PKP4: variants seen among roughly 807,000 people sequenced by gnomAD.
The protein encoded by PKP4 is plakophilin-4.
PKP4 carries 90 observed loss-of-function variants against 145.1 expected under a neutral mutation model. That is an observed-to-expected ratio of 0.62 (90% CI 0.52 to 0.74). PKP4 has a LOEUF of 0.74. PKP4 is among the 30% of genes least tolerant of loss of function. The probability of loss-of-function intolerance (pLI) is 0.00; values close to 1 mark genes in which losing one functional copy is unlikely to be tolerated. For missense variants in PKP4, 1,340 were observed against 1,482.7 expected (o/e 0.90, Z 1.58); for synonymous variants, 563 against 577.2 (o/e 0.98, Z 0.35).
At chr2:158,512,740 G>C (rs73966681) in intron 1 of PKP4, among the ~76,000 whole-genome samples, 4,973 of 152,290 alleles carry the variant, frequency 0.033, 182 homozygotes, top group East Asian at 0.14. Context: ...GTACTGACAA[G>C]ACCTCCCTAA....
intron 4 of PKP4, among the ~76,000 whole-genome samples, chr2:158,608,497 T>C (rs1329758482): frequency 6.6e-6 from 1 of 152,172 alleles, no homozygotes; most frequent in Non-Finnish European, 1.5e-5. Context: ...ACTTAATAAC[T>C]GCATAGTTCC....
intron 7 of PKP4, among the ~76,000 whole-genome samples, chr2:158,628,351 T>C (rs762881045): frequency 5.3e-5 from 8 of 152,226 alleles, no homozygotes; most frequent in Non-Finnish European, 1.0e-4. Context: ...TAGTAAATTA[T>C]AGTGAGCTGT....
chr2:158,503,825 C>A (rs1696921946), intron 1 of PKP4, among the ~76,000 whole-genome samples: 1 of 152,090 alleles, frequency 6.6e-6, no homozygotes, highest in Non-Finnish European at 1.5e-5. Flanking sequence ...GAATGTATAC[C>A]ACAATCACCT....
intron 3 of PKP4, among the ~76,000 whole-genome samples, chr2:158,579,112 A>G (rs2048110155): frequency 6.6e-6 from 1 of 152,206 alleles, no homozygotes; most frequent in Non-Finnish European, 1.5e-5. Context: ...TGGAGCCCAA[A>G]TGTAACTATC....
intron 12 of PKP4, 47 bp from the exon 13 acceptor site, chr2:158,661,286 G>T: frequency 7.4e-7 from 1 of 1,359,140 alleles, no homozygotes; most frequent in South Asian, 1.2e-5. Flanking sequence ...CGTGGCTGAT[G>T]AGTGCATGGT....
At chr2:158,597,357 A>C (rs973145311) in intron 3 of PKP4, among the ~76,000 whole-genome samples, 1 of 152,218 alleles carries the variant, frequency 6.6e-6, no homozygotes, top group African/African-American at 2.4e-5. Flanking sequence ...GCTATCATCT[A>C]TTTAAGCATC....
chr2:158,477,299 A>G (rs1273487761), intron 1 of PKP4, among the ~76,000 whole-genome samples: 1 of 152,152 alleles, frequency 6.6e-6, no homozygotes, highest in East Asian at 1.9e-4. Flanking sequence ...GCATACCTGT[A>G]TCAGAAGGCC....
chr2:158,658,359 ATG>A (rs1195389536), intron 12 of PKP4, 45 bp downstream of exon 12: 1 of 1,162,350 alleles, frequency 8.6e-7, no homozygotes, highest in South Asian at 1.4e-5. Context: ...GTGATTAAAT[ATG>A]TGTCATAGGT....
intron 2 of PKP4, among the ~76,000 whole-genome samples, chr2:158,571,658 G>A (rs868503189): frequency 6.6e-6 from 1 of 152,186 alleles, no homozygotes; most frequent in African/African-American, 2.4e-5. Flanking sequence ...TAAAGAGTTT[G>A]TAAAGAGAGA....
At chr2:158,554,053 G>T (rs1343454430) in intron 2 of PKP4, among the ~76,000 whole-genome samples, 1 of 150,104 alleles carries the variant, frequency 6.7e-6, no homozygotes, top group East Asian at 1.9e-4. Flanking sequence ...TGCCCTCTGT[G>T]TTCTCAAGCT....
chr2:158,574,414 A>G (rs1295028811), intron 2 of PKP4, among the ~76,000 whole-genome samples: 2 of 152,180 alleles, frequency 1.3e-5, no homozygotes, highest in Non-Finnish European at 2.9e-5. Flanking sequence ...TTCATAGATG[A>G]TGTCTCTGCA....
At chr2:158,604,195 T>C (rs531823734) in intron 4 of PKP4, among the ~76,000 whole-genome samples, 1 of 152,336 alleles carries the variant, frequency 6.6e-6, no homozygotes, top group South Asian at 2.1e-4. Context: ...GAGATGGTCC[T>C]GCAGCCTTGG....
At chr2:158,479,960 A>G (rs555494364) in intron 1 of PKP4, among the ~76,000 whole-genome samples, 1 of 152,278 alleles carries the variant, frequency 6.6e-6, no homozygotes, top group East Asian at 1.9e-4. Flanking sequence ...ATGTGGCTTA[A>G]ATGTTTGTAT....
At chr2:158,630,602 A>G (rs568335825) in intron 7 of PKP4, among the ~76,000 whole-genome samples, 12 of 152,374 alleles carry the variant, frequency 7.9e-5, no homozygotes, top group Admixed American at 2.0e-4. Flanking sequence ...GCTTTTAAAC[A>G]TCAGCCTTTA....
At chr2:158,564,180 G>T (rs2046778176) in intron 2 of PKP4, among the ~76,000 whole-genome samples, 1 of 151,900 alleles carries the variant, frequency 6.6e-6, no homozygotes, top group South Asian at 2.1e-4. Flanking sequence ...CCCTTCTGAG[G>T]TGACCAATCA....
intron 11 of PKP4, among the ~76,000 whole-genome samples, chr2:158,646,746 G>A (rs2054865371): frequency 6.6e-6 from 1 of 152,088 alleles, no homozygotes; most frequent in Non-Finnish European, 1.5e-5. Context: ...GGAGACCTCA[G>A]AACTCATTTT....
At chr2:158,659,374 T>TG (rs1312763128) in intron 12 of PKP4, 1 of 152,290 alleles carries the variant, frequency 6.6e-6, no homozygotes, top group Non-Finnish European at 1.5e-5. Flanking sequence ...AGGGAGAGCC[T>TG]GGGGCAGGAC....
intron 2 of PKP4, among the ~76,000 whole-genome samples, chr2:158,551,654 T>C (rs2045636104): frequency 6.6e-6 from 1 of 152,244 alleles, no homozygotes; most frequent in Non-Finnish European, 1.5e-5. Flanking sequence ...GAAGTATTTT[T>C]TAAATCTTTG....
chr2:158,662,683 C>T (rs762076769), intron 13 of PKP4: 8 of 418,714 alleles, frequency 1.9e-5, no homozygotes, highest in Non-Finnish European at 3.4e-5. Context: ...GTCAAATCCT[C>T]AGCAGGACTG....
Sources: allele counts gnomAD v4.1 joint callset (sites outside exome capture counted in the v4.1 genomes callset), GRCh38; gene constraint gnomAD v4.1.1; transcripts MANE v1.5; gene names NCBI Gene and HGNC (gene_info 2026-07-23, HGNC 2026-07-21).